Variants in ANGPT1 observed in about 807,000 individuals in gnomAD.
The protein encoded by ANGPT1 is angiopoietin 1, also known as angiopoietin-1.
In ANGPT1, 17 loss-of-function variants were observed where a neutral mutation model predicts 62.2. The ratio of observed to expected loss-of-function variants is 0.27; its 90% CI spans 0.19 to 0.41. ANGPT1 has a LOEUF of 0.41. ANGPT1 is among the 10% of genes least tolerant of loss of function. The pLI is 1.00. For synonymous variants in ANGPT1, 199 were observed against 198.9 expected, an observed-to-expected ratio of 1.00 and a Z score of 0.00; for missense variants, 478 against 594.9, an observed-to-expected ratio of 0.80 and a Z score of 2.04.
At chr8:107,319,565 T>A (rs1016715938) in intron 4 of ANGPT1, among the ~76,000 whole-genome samples, 2 of 151,708 alleles carry the variant, frequency 1.3e-5, no homozygotes, top group Non-Finnish European at 2.9e-5. Flanking sequence ...CAATAAATAA[T>A]AAATTTATAT....
chr8:107,485,062 G>T (rs1246503082), intron 1 of ANGPT1, among the ~76,000 whole-genome samples: 2 of 152,096 alleles, frequency 1.3e-5, no homozygotes, highest in Non-Finnish European at 2.9e-5. Flanking sequence ...ATTGGGGAAA[G>T]GTCTCTGTTA....
chr8:107,497,529 G>C lies in ANGPT1; in HGVS notation c.30C>G (p.Leu10=). 6.2e-7 allele frequency: 1 copy of C among 1,614,022 alleles called. No individual in the cohort carries two copies. The highest frequency in any genetic ancestry group is 8.5e-7 in the Non-Finnish European group (1 of 1,179,972). Residue 10 remains leucine, a synonymous_variant, in exon 1 of 9, where the codon CTC becomes CTG. Coordinates refer to ENST00000517746, the MANE Select transcript of ANGPT1 (RefSeq NM_001146.5). ...ACCCTATGTGAGTCAGAATGGCAGCGAGGAAAGCAAAGGAAAGGAAAACTG... is the reference window on the plus strand; with the variant it reads ...ACCCTATGTGAGTCAGAATGGCAGCCAGGAAAGCAAAGGAAAGGAAAACTG... MTVFLSFAF[L]AAILTHIGCS...
intron 1 of ANGPT1, among the ~76,000 whole-genome samples, chr8:107,390,393 C>G (rs1816811891): frequency 1.3e-5 from 2 of 148,338 alleles, no homozygotes; most frequent in Non-Finnish European, 3.0e-5. Flanking sequence ...TCAGTTCAGT[C>G]TGGTTTAAAA....
intron 1 of ANGPT1, among the ~76,000 whole-genome samples, chr8:107,443,860 C>A (rs923324329): frequency 1.3e-5 from 2 of 150,668 alleles, no homozygotes; most frequent in Admixed American, 6.6e-5. Flanking sequence ...CCACTCTAAC[C>A]AAAAAGATAA....
intron 8 of ANGPT1, among the ~76,000 whole-genome samples, chr8:107,263,912 T>C (rs1203240498): frequency 6.6e-6 from 1 of 152,156 alleles, no homozygotes; most frequent in Non-Finnish European, 1.5e-5. Flanking sequence ...CTATTGTTCA[T>C]TTTACTAAGG....
chr8:107,481,611 C>T (rs1057276846), intron 1 of ANGPT1, among the ~76,000 whole-genome samples: 3 of 150,404 alleles, frequency 2.0e-5, no homozygotes, highest in Non-Finnish European at 4.4e-5. Context: ...TCTCATGCTG[C>T]TATGAAGAAA....
chr8:107,259,998 T>C (rs1813455555), intron 8 of ANGPT1, among the ~76,000 whole-genome samples: 3 of 152,146 alleles, frequency 2.0e-5, no homozygotes, highest in Admixed American at 1.3e-4. Flanking sequence ...AAATAGTAGA[T>C]AAAACTATTT....
chr8:107,312,239 G>C (rs139027793), intron 4 of ANGPT1, among the ~76,000 whole-genome samples: 1 of 152,152 alleles, frequency 6.6e-6, no homozygotes, highest in East Asian at 1.9e-4. Flanking sequence ...CTTGCCATTT[G>C]TTCAGGAGCT....
intron 1 of ANGPT1, among the ~76,000 whole-genome samples, chr8:107,376,596 G>C (rs990455933): frequency 1.1e-4 from 17 of 152,120 alleles, no homozygotes; most frequent in African/African-American, 3.9e-4. Context: ...GGAGGGAGCA[G>C]TGCATATTCT....
rs118032300 is a variant in ANGPT1, at chr8:107,435,747, C to A, written c.297+61515G>T. On this transcript the variant is annotated intron_variant, in intron 1 of 8. Transcript: ENST00000517746. ...CAGCATTCTTTCAAAACCTTTTATT[C>A]ATTGCCCACCATGTGCCGGGGATGA... Among the ~76,000 whole-genome samples the A allele has an allele frequency of 3.7e-3, 564 of 152,338 alleles. 1 individual carries two copies. Among genetic ancestry groups the A allele is most frequent in the Non-Finnish European group, 6.8e-3 (460 of 68,018 alleles).
At chr8:107,286,150 G>C (rs1274888758) in intron 6 of ANGPT1, among the ~76,000 whole-genome samples, 1 of 152,128 alleles carries the variant, frequency 6.6e-6, no homozygotes, top group Non-Finnish European at 1.5e-5. Flanking sequence ...TGGGTCACTT[G>C]CGCACTACCT....
At chr8:107,281,867 T>C (rs1814014298) in intron 7 of ANGPT1, among the ~76,000 whole-genome samples, 1 of 152,162 alleles carries the variant, frequency 6.6e-6, no homozygotes, top group Non-Finnish European at 1.5e-5. Flanking sequence ...TATGGAATAC[T>C]GTGCAAATCT....
At chr8:107,264,477 C>T in intron 7 of ANGPT1, 126 bp from the exon 8 acceptor site, 2 of 1,219,854 alleles carry the variant, frequency 1.6e-6, no homozygotes, top group Non-Finnish European at 2.2e-6. Flanking sequence ...GCCCTTCCAA[C>T]AAACCTCTAG....
At chr8:107,295,459 T>A (rs918897945) in intron 5 of ANGPT1, 4 of 152,130 alleles carry the variant, frequency 2.6e-5, no homozygotes, top group African/African-American at 7.2e-5. Context: ...TTCTTGGGCA[T>A]CAGTTTTCAC....
intron 1 of ANGPT1, among the ~76,000 whole-genome samples, chr8:107,464,713 G>A (rs911882191): frequency 1.3e-5 from 2 of 152,080 alleles, no homozygotes; most frequent in South Asian, 2.1e-4. Context: ...TTACAATCCC[G>A]TAAATTTATT....
intron 1 of ANGPT1, among the ~76,000 whole-genome samples, chr8:107,458,249 CAAT>C (rs1811976297): frequency 6.6e-6 from 1 of 152,124 alleles, no homozygotes; most frequent in Admixed American, 6.6e-5. Context: ...CAAGAGTAAA[CAAT>C]GAGTTTATTT....
intron 6 of ANGPT1, among the ~76,000 whole-genome samples, chr8:107,286,763 T>A (rs532200608): frequency 4.6e-5 from 7 of 152,270 alleles, no homozygotes; most frequent in African/African-American, 1.7e-4. Context: ...TAGTACTCCA[T>A]TGGCTCTTTA....
intron 4 of ANGPT1, among the ~76,000 whole-genome samples, chr8:107,307,517 A>G (rs1814746951): frequency 6.6e-6 from 1 of 152,050 alleles, no homozygotes; most frequent in Non-Finnish European, 1.5e-5. Flanking sequence ...AAGCCATTTG[A>G]TATGTCTCCT....
intron 8 of ANGPT1, among the ~76,000 whole-genome samples, chr8:107,263,568 G>T (rs958305705): frequency 2.0e-5 from 3 of 151,994 alleles, no homozygotes; most frequent in Non-Finnish European, 4.4e-5. Flanking sequence ...CATCACTGAA[G>T]AAGTATTACA....
Sources: gnomAD v4.1 joint callset for allele counts (sites outside exome capture counted in the v4.1 genomes callset) on GRCh38, gnomAD v4.1.1 for gene constraint, MANE v1.5 for transcripts, NCBI Gene and HGNC (gene_info 2026-07-23, HGNC 2026-07-21) for gene names.